CYS1: variants seen among roughly 807,000 people sequenced by gnomAD.
CYS1 encodes cystin-1.
In CYS1, 5 loss-of-function variants were observed where a neutral mutation model predicts 9.6. The ratio of observed to expected loss-of-function variants is 0.52; its 90% CI spans 0.27 to 1.10. CYS1 has a LOEUF of 1.10. Ranked by LOEUF, CYS1 falls within the 50% of genes least tolerant of loss-of-function variation. CYS1 has a pLI of 0.11. For missense variants in CYS1, 221 were observed against 207.9 expected, an observed-to-expected ratio of 1.06 and a Z score of -0.39; for synonymous variants, 88 against 95.7, an observed-to-expected ratio of 0.92 and a Z score of 0.47.
chr2:10,061,438 C>G (rs373484411), intron 2 of CYS1, among the ~76,000 whole-genome samples: 1 of 152,330 alleles, frequency 6.6e-6, no homozygotes, highest in East Asian at 1.9e-4. Context: ...ATCTCCTGGC[C>G]AACAGGAATC....
intron 1 of CYS1, among the ~76,000 whole-genome samples, chr2:10,069,366 TTTGTTG>T (rs530439450): frequency 1.3e-5 from 2 of 152,138 alleles, no homozygotes; most frequent in African/African-American, 4.8e-5. Context: ...TTATTTTTAT[TTTGTTG>T]TTGTTGTTGT....
At chr2:10,079,764 G>C (rs1462594005) in intron 1 of CYS1, 142 bp downstream of exon 1, 1 of 416,242 alleles carries the variant, frequency 2.4e-6, no homozygotes, top group African/African-American at 2.1e-5. Context: ...CCAGGGGCGG[G>C]GAGGCCGGGG....
At chr2:10,070,718 C>T (rs956975120) in intron 1 of CYS1, among the ~76,000 whole-genome samples, 3 of 151,092 alleles carry the variant, frequency 2.0e-5, no homozygotes, top group African/African-American at 4.9e-5. Context: ...GATCATAGCT[C>T]GCTGCAGCCT....
intron 2 of CYS1, among the ~76,000 whole-genome samples, chr2:10,064,298 G>A (rs1413756069): frequency 2.6e-5 from 4 of 152,158 alleles, no homozygotes; most frequent in African/African-American, 4.8e-5. Context: ...CTGGTGAGTG[G>A]TAGTAACGGA....
chr2:10,069,998 C>T lies in CYS1; in HGVS notation c.319-4042G>A, dbSNP rs117390498. Reference sequence around the variant, plus strand: ...GGCTGCCCCAGGAGGCAGTGAGATGCCTGTCACTGAAGCCAGACAGAGGCT... The same window carrying T: ...GGCTGCCCCAGGAGGCAGTGAGATGTCTGTCACTGAAGCCAGACAGAGGCT... On this transcript the variant is annotated intron_variant, in intron 1 of 2. Transcript: ENST00000381813. Among the ~76,000 whole-genome samples the T allele has an allele frequency of 7.3e-4, 111 of 152,318 alleles. No individual in the cohort carries two copies. In the East Asian group the frequency reaches 0.019, roughly 26 times the overall value.
chr2:10,075,280 C>T (rs888572802), intron 1 of CYS1, among the ~76,000 whole-genome samples: 7 of 152,250 alleles, frequency 4.6e-5, no homozygotes, highest in African/African-American at 1.7e-4. Flanking sequence ...GGGATTCCCA[C>T]GCCTCCACGT....
chr2:10,079,566 T>A (rs1210716184), intron 1 of CYS1, among the ~76,000 whole-genome samples: 2 of 151,872 alleles, frequency 1.3e-5, no homozygotes, highest in Non-Finnish European at 2.9e-5. Context: ...CTGGCTGCCG[T>A]GCCACCACCG....
Position 10,058,775 on chromosome 2 carries a change from G to T in CYS1, c.*78C>A. On this transcript the variant is annotated 3_prime_UTR_variant, in exon 3 of 3. Transcript: ENST00000381813. Reference sequence around the variant, plus strand: ...GCGTTTTGGAGGTGGTTCAGCTCCTGCTAGAGCTCTGTGCAAGCAGAGGGT... The same window carrying T: ...GCGTTTTGGAGGTGGTTCAGCTCCTTCTAGAGCTCTGTGCAAGCAGAGGGT... 1 of 1,307,322 alleles carries T rather than the reference G, an allele frequency of 7.6e-7. No homozygotes were observed. Among genetic ancestry groups the T allele is most frequent in the Non-Finnish European group, 1.1e-6 (1 of 950,354 alleles). The allele number at this position is 1,307,322 out of a possible 1,614,324, so 81.0% of individuals were successfully genotyped here.
chr2:10,060,682 T>G (rs1661615247), intron 2 of CYS1, among the ~76,000 whole-genome samples: 1 of 152,246 alleles, frequency 6.6e-6, no homozygotes, highest in Non-Finnish European at 1.5e-5. Flanking sequence ...ATGTGTTCCT[T>G]GCAGCCCTGA....
chr2:10,062,083 C>T (rs1270053497), intron 2 of CYS1, among the ~76,000 whole-genome samples: 1 of 151,632 alleles, frequency 6.6e-6, no homozygotes, highest in Non-Finnish European at 1.5e-5. Context: ...TCACGGCTCA[C>T]CATATCCTCC....
chr2:10,066,254 G>A (rs561859510), intron 1 of CYS1, among the ~76,000 whole-genome samples: 1 of 152,088 alleles, frequency 6.6e-6, no homozygotes, highest in East Asian at 1.9e-4. Context: ...CACCCCCAGG[G>A]GTCATGTGAC....
chr2:10,061,547 C>T (rs1041038288), intron 2 of CYS1, among the ~76,000 whole-genome samples: 2 of 152,234 alleles, frequency 1.3e-5, no homozygotes, highest in African/African-American at 4.8e-5. Context: ...GAAGCTGAGC[C>T]CTGGGGGAGG....
intron 1 of CYS1, among the ~76,000 whole-genome samples, chr2:10,075,848 T>C (rs4072564): frequency 0.25 from 38,303 of 152,160 alleles, 5,034 homozygotes; most frequent in South Asian, 0.34. Context: ...CCCAGGTTTA[T>C]AGGCAGAGGG....
Position 10,056,533 on chromosome 2 carries a change from GTTTC to G in CYS1, c.*2316_*2319del, listed in dbSNP as rs1256510891. On this transcript the variant is annotated 3_prime_UTR_variant, in exon 3 of 3. Transcript: ENST00000381813. ...TGCGTCATTTTTGCCTTTGAGATGT[GTTTC>G]TTTCTGCCTCCATTCCAGCCACAGT... is the stretch of plus-strand genomic sequence containing the variant. 1.3e-5 allele frequency among the ~76,000 whole-genome samples: 2 copies of G among 152,248 alleles called. No individual in the cohort carries two copies. The highest frequency in any genetic ancestry group is 2.4e-5 in the African/African-American group (1 of 41,468).
chr2:10,077,699 T>A (rs2125292636), intron 1 of CYS1, among the ~76,000 whole-genome samples: 1 of 152,158 alleles, frequency 6.6e-6, no homozygotes. Flanking sequence ...GTGGCGCACA[T>A]CTGTAGTATG....
intron 1 of CYS1, among the ~76,000 whole-genome samples, chr2:10,069,370 T>C (rs1661735177): frequency 6.6e-6 from 1 of 152,068 alleles, no homozygotes; most frequent in African/African-American, 2.4e-5. Flanking sequence ...TTTTATTTTG[T>C]TGTTGTTGTT....
chr2:10,067,633 C>T (rs1572457060), intron 1 of CYS1, among the ~76,000 whole-genome samples: 1 of 152,012 alleles, frequency 6.6e-6, no homozygotes. Flanking sequence ...TCTTAAACTC[C>T]TGGACTCAAA....
intron 1 of CYS1, among the ~76,000 whole-genome samples, chr2:10,068,136 C>T (rs1313351044): frequency 1.3e-5 from 2 of 152,182 alleles, no homozygotes; most frequent in African/African-American, 4.8e-5. Flanking sequence ...CCATTGATAT[C>T]TTTCATTTTG....
At chr2:10,059,684 ACT>A (rs545257886) in intron 2 of CYS1, among the ~76,000 whole-genome samples, 3 of 151,928 alleles carry the variant, frequency 2.0e-5, no homozygotes, top group East Asian at 1.9e-4. Context: ...ACAAAGTAAG[ACT>A]CTGTCTCAAA....
Sources: allele counts gnomAD v4.1 joint callset (sites outside exome capture counted in the v4.1 genomes callset), GRCh38; gene constraint gnomAD v4.1.1; transcripts MANE v1.5; gene names NCBI Gene and HGNC (gene_info 2026-07-23, HGNC 2026-07-21).